The following RBFOX1 variants were observed in gnomAD, a reference collection of about 807,000 sequenced individuals.
RBFOX1 encodes the protein RNA binding fox-1 homolog 1.
Under a neutral mutation model 57.7 loss-of-function variants are expected in RBFOX1, and 8 were observed. The observed-to-expected ratio is 0.14, with a 90% CI of 0.08 to 0.25. The LOEUF (loss-of-function observed/expected upper bound fraction) is 0.25. Among genes scored for constraint, RBFOX1 ranks in the 10% least tolerant of loss-of-function variants. The pLI is 1.00. For missense variants in RBFOX1, 611 were observed against 548.5 expected, an observed-to-expected ratio of 1.11 and a Z score of -1.14; for synonymous variants, 326 against 222.4, an observed-to-expected ratio of 1.47 and a Z score of -4.15.
chr16:5,354,109 C>T (rs2065329311), intron 1 of RBFOX1, among the ~76,000 whole-genome samples: 1 of 152,148 alleles, frequency 6.6e-6, no homozygotes, highest in African/African-American at 2.4e-5. Context: ...AGTTAGGATC[C>T]CCTCCTCCAT....
intron 1 of RBFOX1, among the ~76,000 whole-genome samples, chr16:5,392,332 A>G (rs1008364923): frequency 1.3e-5 from 2 of 152,178 alleles, no homozygotes; most frequent in African/African-American, 4.8e-5. Flanking sequence ...ACATCATATT[A>G]GGACTCAGCC....
intron 3 of RBFOX1, among the ~76,000 whole-genome samples, chr16:6,800,923 A>G (rs917889203): frequency 2.6e-5 from 4 of 152,160 alleles, no homozygotes; most frequent in Non-Finnish European, 5.9e-5. Context: ...CTAGTTTGCT[A>G]TCCGTCTTGC....
chr16:5,291,525 A>G (rs921351995), intron 1 of RBFOX1, among the ~76,000 whole-genome samples: 3 of 152,100 alleles, frequency 2.0e-5, no homozygotes, highest in African/African-American at 4.8e-5. Context: ...CGGCCTCCCA[A>G]AGTGCTGGGA....
intron 2 of RBFOX1, among the ~76,000 whole-genome samples, chr16:6,432,064 G>A (rs927061516): frequency 9.9e-5 from 15 of 151,618 alleles, no homozygotes; most frequent in African/African-American, 2.7e-4. Context: ...TGAGTTCAAC[G>A]GAACCTCCTG....
At chr16:7,433,323 A>G (rs1013601613) in intron 4 of RBFOX1, among the ~76,000 whole-genome samples, 2 of 152,232 alleles carry the variant, frequency 1.3e-5, no homozygotes, top group African/African-American at 4.8e-5. Flanking sequence ...ATTCTCCACA[A>G]TAAAGGCAGT....
At chr16:6,579,760 T>A (rs1262877263) in intron 2 of RBFOX1, among the ~76,000 whole-genome samples, 1 of 151,938 alleles carries the variant, frequency 6.6e-6, no homozygotes, top group Non-Finnish European at 1.5e-5. Flanking sequence ...AATTTTTCAA[T>A]TTTTTTGTAG....
chr16:6,647,662 A>G (rs2098544794), intron 2 of RBFOX1, among the ~76,000 whole-genome samples: 1 of 152,206 alleles, frequency 6.6e-6, no homozygotes, highest in Non-Finnish European at 1.5e-5. Context: ...TAGGGGGGAC[A>G]CATACATTCA....
In RBFOX1 at chr16:6,096,720, T is replaced by C. The variant is rs28446534; in HGVS notation, c.-127+76728T>C. Among the ~76,000 whole-genome samples, 256 of 152,330 alleles carry C rather than the reference T, an allele frequency of 1.7e-3. 1 individual carries two copies. The highest frequency in any genetic ancestry group is 5.7e-3 in the African/African-American group (236 of 41,580). The stretch of plus-strand genomic sequence containing the variant: ...ACCATTGGTTATCTGGTTACCATCA[T>C]TGTCACTACGAAATAAAGGATTAGA... On this transcript the variant is annotated intron_variant, in intron 1 of 15. Transcript: ENST00000550418.
chr16:6,500,589 A>C (rs1218261846), intron 2 of RBFOX1, among the ~76,000 whole-genome samples: 1 of 152,144 alleles, frequency 6.6e-6, no homozygotes, highest in East Asian at 1.9e-4. Flanking sequence ...AAGAAAATTA[A>C]TATCCAGCCA....
intron 4 of RBFOX1, among the ~76,000 whole-genome samples, chr16:7,482,350 G>C (rs555543391): frequency 2.0e-4 from 31 of 152,206 alleles, no homozygotes; most frequent in Admixed American, 1.8e-3. Flanking sequence ...AGAAAAATGA[G>C]GCTCAAAGAG....
chr16:6,731,342 T>A (rs551579247), intron 3 of RBFOX1, among the ~76,000 whole-genome samples: 14 of 152,274 alleles, frequency 9.2e-5, no homozygotes, highest in African/African-American at 2.6e-4. Context: ...TATATCATTG[T>A]GGATCGTTGA....
intron 1 of RBFOX1, among the ~76,000 whole-genome samples, chr16:6,255,885 C>T (rs1448884351): frequency 1.3e-5 from 2 of 151,444 alleles, no homozygotes; most frequent in Admixed American, 6.6e-5. Flanking sequence ...ACACCGGGGC[C>T]TGTACTTGGT....
At chr16:5,539,701 T>C (rs1531975) in intron 2 of RBFOX1, among the ~76,000 whole-genome samples, 64,701 of 152,034 alleles carry the variant, frequency 0.43, 14,166 homozygotes, top group African/African-American at 0.45. Flanking sequence ...GTAAGAATTT[T>C]TTCCCGTTTT....
chr16:6,957,259 G>A (rs896062843), intron 3 of RBFOX1, among the ~76,000 whole-genome samples: 10 of 151,748 alleles, frequency 6.6e-5, no homozygotes, highest in African/African-American at 2.4e-4. Flanking sequence ...AGCCTCCCGA[G>A]TAGCTGGGAC....
chr16:7,571,646 G>A (rs1476791860), intron 5 of RBFOX1, among the ~76,000 whole-genome samples: 1 of 152,096 alleles, frequency 6.6e-6, no homozygotes, highest in African/African-American at 2.4e-5. Context: ...CTCCTAATAA[G>A]GCCTTCACAC....
intron 11 of RBFOX1, among the ~76,000 whole-genome samples, chr16:7,639,379 C>T (rs2143017495): frequency 6.6e-6 from 1 of 152,314 alleles, no homozygotes; most frequent in African/African-American, 2.4e-5. Context: ...CGGTGGCAGC[C>T]TACCTGTGTC....
At chr16:5,351,444 A>C (rs1362432933) in intron 1 of RBFOX1, among the ~76,000 whole-genome samples, 2 of 152,194 alleles carry the variant, frequency 1.3e-5, no homozygotes, top group Non-Finnish European at 2.9e-5. Flanking sequence ...TTTGAACTTC[A>C]GGCTGGCTCA....
chr16:5,915,734 A>T (rs905228617), intron 4 of RBFOX1, among the ~76,000 whole-genome samples: 1 of 152,134 alleles, frequency 6.6e-6, no homozygotes, highest in Non-Finnish European at 1.5e-5. Flanking sequence ...CCGGAGGCTG[A>T]GGCGCGAAAA....
intron 4 of RBFOX1, chr16:7,328,627 A>ATTTT (rs199909883): frequency 4.2e-5 from 6 of 142,418 alleles, no homozygotes; most frequent in African/African-American, 1.3e-4. Flanking sequence ...AGATGGAAGA[A>ATTTT]TTTTTTTTTT....
Sources: allele counts gnomAD v4.1 joint callset (sites outside exome capture counted in the v4.1 genomes callset), GRCh38; gene constraint gnomAD v4.1.1; transcripts MANE v1.5; gene names NCBI Gene and HGNC (gene_info 2026-07-23, HGNC 2026-07-21).